The following HSPA13 variants were observed in gnomAD, a reference collection of about 807,000 sequenced individuals.
The protein encoded by HSPA13 is heat shock protein family A (Hsp70) member 13.
Under a neutral mutation model 38.8 loss-of-function variants are expected in HSPA13, and 29 were observed. The observed-to-expected ratio is 0.75, with a 90% CI of 0.56 to 1.02. The LOEUF is 1.02. Ranked by LOEUF, HSPA13 falls within the 50% of genes least tolerant of loss-of-function variation. HSPA13 has a pLI of 0.00. For synonymous variants in HSPA13, 192 were observed against 205.3 expected (o/e 0.94, Z 0.56); for missense variants, 451 against 560.9 (o/e 0.80, Z 1.98).
At chr21:14,380,394 G>A (rs965971435) in intron 2 of HSPA13, among the ~76,000 whole-genome samples, 3 of 145,284 alleles carry the variant, frequency 2.1e-5, no homozygotes, top group Non-Finnish European at 4.5e-5. Context: ...GACCATAAAA[G>A]AAAATTAAAA....
At chr21:14,383,047 A>C in intron 1 of HSPA13, 48 bp downstream of exon 1, 1 of 1,611,400 alleles carries the variant, frequency 6.2e-7, no homozygotes, top group Non-Finnish European at 8.5e-7. Context: ...TGGCATCCTC[A>C]GATCGCCTCT....
rs1984160435 is a variant in HSPA13, at chr21:14,381,277, C to A, written c.292G>T (p.Asp98Tyr). The A allele has an allele frequency of 6.2e-7, 1 of 1,613,766 alleles. No individual in the cohort carries two copies. Among genetic ancestry groups the A allele is most frequent in the African/African-American group, 1.3e-5 (1 of 74,920 alleles). The part of the protein sequence containing the change: ...ADSNPQNTIY[D>Y]AKRFIGKIFT... ...ATCTTGCCTATGAATCTTTTGGCAT[C>A]ATATATTGTGTTTTGAGGATTTGAA... is the stretch of plus-strand genomic sequence containing the variant. Residue 98 changes from aspartate (D) to tyrosine (Y), a missense_variant, in exon 2 of 5, where the codon GAT becomes TAT. By Grantham distance (160) the Asp-to-Tyr change is radical. Transcript: ENST00000285667.
chr21:14,382,943 G>T, intron 1 of HSPA13, 152 bp downstream of exon 1: 3 of 961,196 alleles, frequency 3.1e-6, no homozygotes, highest in South Asian at 1.4e-5. Context: ...CATCCACTCC[G>T]AACAGCCGAA....
At chr21:14,383,018 C>T in intron 1 of HSPA13, 77 bp downstream of exon 1, 1 of 1,540,616 alleles carries the variant, frequency 6.5e-7, no homozygotes, top group South Asian at 1.1e-5. Flanking sequence ...GGAGGTGAGT[C>T]AACCACCCCT....
In HSPA13 at chr21:14,373,572, G is replaced by A; in HGVS notation, c.*45C>T. Reference sequence around the variant, plus strand: ...GAAAAGGTAATCTGATAAATGGGAAGAGATCATCAGACAAGTTCACAAATA... The same window carrying A: ...GAAAAGGTAATCTGATAAATGGGAAAAGATCATCAGACAAGTTCACAAATA... On this transcript the variant is annotated 3_prime_UTR_variant, in exon 5 of 5. Transcript: ENST00000285667. The A allele has an allele frequency of 6.9e-7, 1 of 1,438,950 alleles. No homozygotes were observed. The highest frequency in any genetic ancestry group is 9.5e-7 in the Non-Finnish European group (1 of 1,050,234). 89.1% of individuals were successfully genotyped at this position (1,438,950 alleles called of 1,614,324 possible). A position where few individuals can be genotyped will look rare whatever the true frequency, so the allele number is the denominator to read the frequency against.
At chr21:14,381,603 C>T in intron 1 of HSPA13, 60 bp from the exon 2 acceptor site, 4 of 1,369,724 alleles carry the variant, frequency 2.9e-6, no homozygotes, top group Non-Finnish European at 3.9e-6. Context: ...TACTAAATTA[C>T]TGTAGCAAAG....
chr21:14,383,126 C>T lies in HSPA13; in HGVS notation c.-7G>A. The T allele has an allele frequency of 6.2e-7, 1 of 1,614,132 alleles. No individual in the cohort carries two copies. The highest frequency in any genetic ancestry group is 1.1e-5 in the South Asian group (1 of 91,080). ...TCGTCATCTCTCTGGCCATCACAGT[C>T]CCGCCGAACAGGCTTGTGATGACTG... is the stretch of plus-strand genomic sequence containing the variant. On this transcript the variant is annotated 5_prime_UTR_variant, in exon 1 of 5. Transcript: ENST00000285667.
At chr21:14,376,159 A>G (rs1189449215) in intron 3 of HSPA13, among the ~76,000 whole-genome samples, 1 of 152,226 alleles carries the variant, frequency 6.6e-6, no homozygotes, top group African/African-American at 2.4e-5. Flanking sequence ...ATGAGCGATA[A>G]AAATTTAATC....
At chr21:14,383,048 G>T (rs753316120) in intron 1 of HSPA13, 47 bp downstream of exon 1, 5 of 1,611,598 alleles carry the variant, frequency 3.1e-6, no homozygotes, top group Non-Finnish European at 4.2e-6. Context: ...GGCATCCTCA[G>T]ATCGCCTCTA....
Position 14,372,548 on chromosome 21 carries a change from A to G in HSPA13, c.*1069T>C, listed in dbSNP as rs1040824619. 6 of 152,136 alleles carry G rather than the reference A, an allele frequency of 3.9e-5. No individual in the cohort carries two copies. Among genetic ancestry groups the G allele is most frequent in the Non-Finnish European group, 7.4e-5 (5 of 67,980 alleles). 9.4% of individuals were successfully genotyped at this position (152,136 alleles called of 1,614,324 possible). ...TCATTACAAACTAACCTAATGTTTG[A>G]AAAGAGTCCAAGTGTGATTATTTAA... On this transcript the variant is annotated 3_prime_UTR_variant, in exon 5 of 5. Transcript: ENST00000285667.
chr21:14,379,910 G>A (rs558762325), intron 2 of HSPA13, among the ~76,000 whole-genome samples: 1 of 152,158 alleles, frequency 6.6e-6, no homozygotes, highest in Non-Finnish European at 1.5e-5. Context: ...CAGCTTGGGA[G>A]GCTGAGGGAG....
chr21:14,376,800 A>G (rs940670846), intron 3 of HSPA13, among the ~76,000 whole-genome samples: 1 of 152,194 alleles, frequency 6.6e-6, no homozygotes, highest in Admixed American at 6.5e-5. Flanking sequence ...ATGGTTAAGT[A>G]TTTTGCTTTC....
intron 2 of HSPA13, among the ~76,000 whole-genome samples, chr21:14,380,010 CAA>C (rs556367544): frequency 1.6e-5 from 2 of 126,992 alleles, no homozygotes; most frequent in Non-Finnish European, 3.3e-5. Context: ...GAGACTGTCT[CAA>C]AAAAAAAAAC....
chr21:14,380,765 GGAATA>G (rs1453318718), intron 2 of HSPA13, among the ~76,000 whole-genome samples: 1 of 152,088 alleles, frequency 6.6e-6, no homozygotes, highest in African/African-American at 2.4e-5. Context: ...AATTAATAAT[GGAATA>G]GTCATTCCAC....
intron 3 of HSPA13, among the ~76,000 whole-genome samples, chr21:14,376,293 G>GTCCC (rs1984025250): frequency 6.6e-6 from 1 of 152,120 alleles, no homozygotes; most frequent in South Asian, 2.1e-4. Context: ...GGCGCCCGTA[G>GTCCC]TCCCAGCTAC....
chr21:14,383,024 C>T, intron 1 of HSPA13, 71 bp downstream of exon 1: 5 of 1,562,746 alleles, frequency 3.2e-6, no homozygotes, highest in Non-Finnish European at 4.4e-6. Context: ...GAGTCAACCA[C>T]CCCTGCCCAC....
intron 3 of HSPA13, among the ~76,000 whole-genome samples, chr21:14,377,859 C>T (rs1467034463): frequency 6.6e-6 from 1 of 152,246 alleles, no homozygotes; most frequent in Non-Finnish European, 1.5e-5. Flanking sequence ...TTGCCAAGGG[C>T]TCTCGGGCCT....
chr21:14,378,065 C>T, intron 3 of HSPA13, 134 bp downstream of exon 3: 3 of 660,418 alleles, frequency 4.5e-6, no homozygotes, highest in Non-Finnish European at 7.9e-6. Flanking sequence ...CTAGAGAACC[C>T]TAATACACCT....
rs1237146795 is a variant in HSPA13 at position 14,371,467 on chromosome 21, C to A, written c.*2150G>T. 1 of 152,088 alleles carries A rather than the reference C, an allele frequency of 6.6e-6. No individual in the cohort carries two copies. Among genetic ancestry groups the A allele is most frequent in the East Asian group, 1.9e-4 (1 of 5,200 alleles). The allele number at this position is 152,088 out of a possible 1,614,324, so 9.4% of individuals were successfully genotyped here. A position where few individuals can be genotyped will look rare whatever the true frequency, so the allele number is the denominator to read the frequency against. On this transcript the variant is annotated 3_prime_UTR_variant, in exon 5 of 5. Coordinates refer to ENST00000285667, the MANE Select transcript of HSPA13 (RefSeq NM_006948.5). ...AATGATCCCTTTCAGGATGCATTATCTTTTAAATAAATAAACTAAATTGAC... is the reference window on the plus strand; with the variant it reads ...AATGATCCCTTTCAGGATGCATTATATTTTAAATAAATAAACTAAATTGAC...
Sources: gnomAD v4.1 joint callset for allele counts (sites outside exome capture counted in the v4.1 genomes callset) on GRCh38, gnomAD v4.1.1 for gene constraint, MANE v1.5 for transcripts, NCBI Gene and HGNC (gene_info 2026-07-23, HGNC 2026-07-21) for gene names.